Variants in DCAF6 observed in about 807,000 individuals in gnomAD.
The protein encoded by DCAF6 is DDB1 and CUL4 associated factor 6.
In DCAF6, 54 loss-of-function variants were observed where a neutral mutation model predicts 125.1. The ratio of observed to expected loss-of-function variants is 0.43; its 90% CI spans 0.35 to 0.54. DCAF6 has a LOEUF of 0.54. DCAF6 is among the 20% of genes least tolerant of loss of function. The pLI is 0.01. For missense variants in DCAF6, 934 were observed against 1,161.7 expected (o/e 0.80, Z 2.85); for synonymous variants, 371 against 390.4 (o/e 0.95, Z 0.58).
chr1:168,041,725 C>T (rs1688557333), intron 13 of DCAF6, among the ~76,000 whole-genome samples: 1 of 151,850 alleles, frequency 6.6e-6, no homozygotes, highest in Non-Finnish European at 1.5e-5. Flanking sequence ...TATTCCTACT[C>T]AGTACCATAA....
At chr1:168,012,090 C>G (rs1472070085) in intron 10 of DCAF6, among the ~76,000 whole-genome samples, 2 of 151,862 alleles carry the variant, frequency 1.3e-5, no homozygotes, top group Non-Finnish European at 2.9e-5. Flanking sequence ...GTGACCAGTC[C>G]CAGGAGAAAA....
At chr1:167,910,059 A>C in the DCAF6 span, among the ~76,000 whole-genome samples, 1 of 152,200 alleles carries the variant, frequency 6.6e-6, no homozygotes, top group Non-Finnish European at 1.5e-5. Flanking sequence ...TAAAAGGGCC[A>C]GGAACTGTTT....
the DCAF6 span, chr1:167,903,776 G>T: frequency 5.2e-6 from 4 of 772,856 alleles, no homozygotes; most frequent in East Asian, 5.1e-5. Flanking sequence ...ACATTTCATG[G>T]GGAAGAGGAG....
At chr1:167,880,228 T>G in the DCAF6 span, 2 of 1,555,934 alleles carry the variant, frequency 1.3e-6, no homozygotes, top group Non-Finnish European at 1.8e-6. Flanking sequence ...GGGAAAGAAA[T>G]AAAGATAATG....
the DCAF6 span, among the ~76,000 whole-genome samples, chr1:167,921,824 G>T: frequency 1.3e-5 from 2 of 152,034 alleles, no homozygotes; most frequent in African/African-American, 4.8e-5. Context: ...ACAAATAAAA[G>T]ATTTAGCTTT....
chr1:167,925,472 T>TATATATAC, the DCAF6 span, among the ~76,000 whole-genome samples: 1 of 102,042 alleles, frequency 9.8e-6, no homozygotes, highest in South Asian at 2.8e-4. Flanking sequence ...TATATATATA[T>TATATATAC]ATACATATAC....
At chr1:168,019,363 T>C (rs1322014289) in intron 11 of DCAF6, among the ~76,000 whole-genome samples, 1 of 152,184 alleles carries the variant, frequency 6.6e-6, no homozygotes, top group African/African-American at 2.4e-5. Flanking sequence ...TGTACTATCT[T>C]AATTGTAGTA....
upstream of DCAF6, chr1:167,936,447 C>G (rs1671222539): frequency 5.5e-6 from 1 of 181,548 alleles, no homozygotes; most frequent in African/African-American, 2.4e-5. Context: ...TCTCTCTCTA[C>G]TCGTCTTTTA....
the DCAF6 span, among the ~76,000 whole-genome samples, chr1:167,885,702 G>A: frequency 1.3e-5 from 2 of 151,874 alleles, no homozygotes; most frequent in Non-Finnish European, 2.9e-5. Context: ...TGCAACCTCC[G>A]CCTCCTGGGT....
chr1:167,972,779 A>AG (rs1156950077), intron 3 of DCAF6, among the ~76,000 whole-genome samples: 1 of 152,208 alleles, frequency 6.6e-6, no homozygotes, highest in East Asian at 1.9e-4. Context: ...GAACACTGGA[A>AG]GAGGGGAGTG....
chr1:167,867,977 C>T, the DCAF6 span, among the ~76,000 whole-genome samples: 3 of 152,026 alleles, frequency 2.0e-5, no homozygotes, highest in African/African-American at 7.3e-5. Context: ...TTAGTAATTA[C>T]AAATCCCTTA....
chr1:167,906,343 A>C, the DCAF6 span, among the ~76,000 whole-genome samples: 5 of 152,094 alleles, frequency 3.3e-5, no homozygotes, highest in Non-Finnish European at 5.9e-5. Flanking sequence ...TGAACAAAAG[A>C]AAGAAACATA....
intron 1 of DCAF6, among the ~76,000 whole-genome samples, chr1:167,944,999 CT>C (rs1348618839): frequency 3.3e-5 from 5 of 152,148 alleles, no homozygotes; most frequent in Admixed American, 2.0e-4. Context: ...AGTGTATGTT[CT>C]TGTCGGCTTT....
the DCAF6 span, among the ~76,000 whole-genome samples, chr1:167,906,736 C>T: frequency 6.6e-6 from 1 of 151,992 alleles, no homozygotes; most frequent in Non-Finnish European, 1.5e-5. Flanking sequence ...CTGCAAGGAG[C>T]TGAGATCGTG....
the DCAF6 span, chr1:167,918,337 T>C: frequency 2.6e-6 from 4 of 1,567,708 alleles, no homozygotes; most frequent in Non-Finnish European, 3.5e-6. Flanking sequence ...TTGTGTGCTT[T>C]AGCTTTTAGT....
At chr1:167,896,680 TA>T in the DCAF6 span, 3 of 1,608,686 alleles carry the variant, frequency 1.9e-6, no homozygotes, top group Non-Finnish European at 2.6e-6. Context: ...GGGGTGGTTT[TA>T]AGAAGTTAAC....
the DCAF6 span, among the ~76,000 whole-genome samples, chr1:167,900,361 A>G: frequency 6.6e-6 from 1 of 152,096 alleles, no homozygotes; most frequent in East Asian, 1.9e-4. Flanking sequence ...GACTTACTCT[A>G]AAAAAAGGTG....
intron 1 of DCAF6, among the ~76,000 whole-genome samples, chr1:167,944,481 G>C (rs142498935): frequency 6.1e-4 from 93 of 152,178 alleles, no homozygotes; most frequent in Non-Finnish European, 6.9e-4. Flanking sequence ...AACATTGTCT[G>C]TCTTTTTAAT....
At chr1:167,975,874 C>G (rs1298147876) in intron 4 of DCAF6, among the ~76,000 whole-genome samples, 2 of 152,128 alleles carry the variant, frequency 1.3e-5, no homozygotes. Context: ...TTCTGAAATA[C>G]TTGCATGTCA....
Sources: allele counts gnomAD v4.1 joint callset (sites outside exome capture counted in the v4.1 genomes callset), GRCh38; gene constraint gnomAD v4.1.1; transcripts MANE v1.5; gene names NCBI Gene and HGNC (gene_info 2026-07-23, HGNC 2026-07-21).